Variants in CORIN observed in about 807,000 individuals in gnomAD.
The protein encoded by CORIN is corin, serine peptidase.
Under a neutral mutation model 125.3 loss-of-function variants are expected in CORIN, and 117 were observed. The observed-to-expected ratio is 0.93, with a 90% CI of 0.80 to 1.09. The LOEUF (loss-of-function observed/expected upper bound fraction) is 1.09. Among genes scored for constraint, CORIN ranks in the 50% least tolerant of loss-of-function variants. The pLI, the probability that CORIN is intolerant of heterozygous loss-of-function variation, is 0.00. For synonymous variants in CORIN, 450 were observed against 466.4 expected (o/e 0.96, Z 0.45); for missense variants, 1,253 against 1,306.7 (o/e 0.96, Z 0.63).
chr4:47,651,682 G>C (rs1443311966), intron 13 of CORIN, among the ~76,000 whole-genome samples: 1 of 152,128 alleles, frequency 6.6e-6, no homozygotes, highest in Non-Finnish European at 1.5e-5. Flanking sequence ...TCTCAATAGT[G>C]CTGTCAATTA....
chr4:47,768,730 G>A (rs938829703), intron 3 of CORIN, among the ~76,000 whole-genome samples: 2 of 152,074 alleles, frequency 1.3e-5, no homozygotes, highest in Non-Finnish European at 2.9e-5. Flanking sequence ...AAAGCCATAC[G>A]ACCATCTCAA....
intron 5 of CORIN, among the ~76,000 whole-genome samples, chr4:47,730,472 CAAAAAAA>C (rs71199996): frequency 1.4e-4 from 9 of 66,028 alleles, no homozygotes; most frequent in African/African-American, 3.5e-4. Context: ...GACTCCATCT[CAAAAAAA>C]AAAAAAAAAA....
At chr4:47,708,994 T>C (rs2109773348) in intron 5 of CORIN, among the ~76,000 whole-genome samples, 1 of 152,322 alleles carries the variant, frequency 6.6e-6, no homozygotes, top group African/African-American at 2.4e-5. Context: ...CTACAAGTGC[T>C]TGTGACTTTC....
intron 2 of CORIN, among the ~76,000 whole-genome samples, chr4:47,791,855 A>G (rs1731097398): frequency 6.6e-6 from 1 of 152,216 alleles, no homozygotes; most frequent in Non-Finnish European, 1.5e-5. Context: ...TACTCTGCTG[A>G]GAACACAATA....
At chr4:47,684,438 C>A (rs564451496) in intron 6 of CORIN, among the ~76,000 whole-genome samples, 202 of 152,242 alleles carry the variant, frequency 1.3e-3, no homozygotes, top group Non-Finnish European at 7.6e-4. Context: ...ACATCCAGGG[C>A]AAATGGTTTC....
chr4:47,768,048 T>C (rs1477711822), intron 3 of CORIN, among the ~76,000 whole-genome samples: 1 of 152,168 alleles, frequency 6.6e-6, no homozygotes, highest in East Asian at 1.9e-4. Context: ...TTGCCTTAAC[T>C]GATGACATTA....
At chr4:47,791,089 G>A (rs544694251) in intron 2 of CORIN, among the ~76,000 whole-genome samples, 5 of 152,146 alleles carry the variant, frequency 3.3e-5, no homozygotes, top group South Asian at 2.1e-4. Context: ...CATACTTTAC[G>A]TGGTAAAAGG....
At chr4:47,649,855 C>T (rs1381834299) in intron 13 of CORIN, among the ~76,000 whole-genome samples, 1 of 152,150 alleles carries the variant, frequency 6.6e-6, no homozygotes, top group African/African-American at 2.4e-5. Context: ...TGTGGATATG[C>T]CAAAGCTATG....
intron 4 of CORIN, among the ~76,000 whole-genome samples, chr4:47,762,969 C>T (rs544802101): frequency 6.6e-6 from 1 of 152,224 alleles, no homozygotes; most frequent in East Asian, 1.9e-4. Flanking sequence ...GCCATTATTC[C>T]CCTTCAATCT....
chr4:47,616,967 C>G (rs1337287521), intron 19 of CORIN, among the ~76,000 whole-genome samples: 1 of 152,120 alleles, frequency 6.6e-6, no homozygotes, highest in Non-Finnish European at 1.5e-5. Flanking sequence ...AAAATGGGAG[C>G]AAAGACATGT....
intron 3 of CORIN, among the ~76,000 whole-genome samples, chr4:47,777,416 A>G (rs925578851): frequency 6.6e-6 from 1 of 152,170 alleles, no homozygotes; most frequent in African/African-American, 2.4e-5. Context: ...GCAGATCAAG[A>G]CGTCAGGAGT....
rs1167769099 is a variant in CORIN, at chr4:47,779,462, A to C, written c.409+7263T>G. Among the ~76,000 whole-genome samples the C allele has an allele frequency of 5.6e-5, 7 of 125,986 alleles. No individual in the cohort carries two copies. In the Admixed American group the frequency reaches 6.0e-4, roughly 11 times the overall value. 82.7% of individuals were successfully genotyped at this position (125,986 alleles called of 152,430 possible). ...TTTTTTTTTTTTCTTTTTTAGATGGAGTTTTGCTGTTTCACCCAGGCTGGA... is the reference window on the plus strand; with the variant it reads ...TTTTTTTTTTTTCTTTTTTAGATGGCGTTTTGCTGTTTCACCCAGGCTGGA... On this transcript the variant is annotated intron_variant, in intron 3 of 21. Coordinates refer to ENST00000273857, the MANE Select transcript of CORIN (RefSeq NM_006587.4).
chr4:47,768,982 A>G (rs1729893237), intron 3 of CORIN, among the ~76,000 whole-genome samples: 1 of 152,230 alleles, frequency 6.6e-6, no homozygotes, highest in Non-Finnish European at 1.5e-5. Context: ...GCAATTAGGC[A>G]AGAGAAAGAA....
chr4:47,673,053 G>T (rs1420180573), intron 10 of CORIN, among the ~76,000 whole-genome samples: 2 of 152,108 alleles, frequency 1.3e-5, no homozygotes, highest in African/African-American at 4.8e-5. Flanking sequence ...TAGACTGAGA[G>T]GACATGTGTT....
chr4:47,826,925 G>GA (rs1351880791), intron 1 of CORIN, among the ~76,000 whole-genome samples: 1 of 151,472 alleles, frequency 6.6e-6, no homozygotes, highest in Non-Finnish European at 1.5e-5. Context: ...GACTTGTTAT[G>GA]AAAAAAAGGT....
At chr4:47,828,257 G>C (rs1403764352) in intron 1 of CORIN, among the ~76,000 whole-genome samples, 1 of 152,046 alleles carries the variant, frequency 6.6e-6, no homozygotes, top group Non-Finnish European at 1.5e-5. Flanking sequence ...TCTAACTTTT[G>C]TTCTAACGAG....
intron 3 of CORIN, among the ~76,000 whole-genome samples, chr4:47,770,388 G>A (rs765713811): frequency 1.2e-4 from 18 of 152,172 alleles, no homozygotes; most frequent in Non-Finnish European, 2.6e-4. Flanking sequence ...TGCTGGTGAG[G>A]ATGTGGAGAA....
chr4:47,667,940 T>C (rs139133453), intron 10 of CORIN, among the ~76,000 whole-genome samples: 111 of 152,238 alleles, frequency 7.3e-4, no homozygotes, highest in African/African-American at 2.5e-3. Flanking sequence ...TGGGAGGTGA[T>C]TGAGTTATAA....
Position 47,665,043 on chromosome 4 carries a change from G to A in CORIN, c.1578C>T (p.Ile526=). The change falls in exon 11 of 22, where the codon ATC becomes ATT. Residue 526 remains isoleucine (I), a synonymous_variant. Transcript: ENST00000273857. ...PKCDVNTGEH[I]PPCRALCEHS... Reference sequence around the variant, plus strand: ...TCCCATCATATTACCTGCAAGGAGGGATATGCTCGCCTGTATTCACATCAC... The same window carrying A: ...TCCCATCATATTACCTGCAAGGAGGAATATGCTCGCCTGTATTCACATCAC... 1 of 1,604,304 alleles carries A rather than the reference G, an allele frequency of 6.2e-7. No individual in the cohort carries two copies. Among genetic ancestry groups the A allele is most frequent in the Non-Finnish European group, 8.5e-7 (1 of 1,171,330 alleles).
Sources: allele counts gnomAD v4.1 joint callset (sites outside exome capture counted in the v4.1 genomes callset), GRCh38; gene constraint gnomAD v4.1.1; transcripts MANE v1.5; gene names NCBI Gene and HGNC (gene_info 2026-07-23, HGNC 2026-07-21).